The following ALK variants were observed in gnomAD, a reference collection of about 807,000 sequenced individuals.
ALK encodes the protein ALK tyrosine kinase receptor.
Under a neutral mutation model 163.1 loss-of-function variants are expected in ALK, and 74 were observed. The ratio of observed to expected loss-of-function variants is 0.45; its 90% CI spans 0.38 to 0.55. The LOEUF (loss-of-function observed/expected upper bound fraction) is 0.55. Among genes scored for constraint, ALK ranks in the 20% least tolerant of loss-of-function variants. The pLI, the probability that ALK is intolerant of heterozygous loss-of-function variation, is 0.00. For synonymous variants in ALK, 960 were observed against 843.2 expected, an observed-to-expected ratio of 1.14 and a Z score of -2.40; for missense variants, 2,063 against 2,105.3, an observed-to-expected ratio of 0.98 and a Z score of 0.39.
intron 4 of ALK, among the ~76,000 whole-genome samples, chr2:29,405,686 G>A (rs1046006830): frequency 6.6e-6 from 1 of 152,188 alleles, no homozygotes; most frequent in Admixed American, 6.5e-5. Flanking sequence ...ACCACACTGG[G>A]AGAGGCAGAG....
chr2:29,658,964 G>A (rs1485789079), intron 3 of ALK, among the ~76,000 whole-genome samples: 4 of 151,970 alleles, frequency 2.6e-5, no homozygotes, highest in Non-Finnish European at 5.9e-5. Flanking sequence ...TCAGCAAAAC[G>A]AAAAAATCAA....
chr2:29,687,983 C>T (rs952997518), intron 3 of ALK, among the ~76,000 whole-genome samples: 1 of 152,180 alleles, frequency 6.6e-6, no homozygotes, highest in East Asian at 1.9e-4. Flanking sequence ...TGGTTGCAGC[C>T]TGCATCTTAG....
At chr2:29,746,915 T>C (rs1372967154) in intron 1 of ALK, among the ~76,000 whole-genome samples, 1 of 152,214 alleles carries the variant, frequency 6.6e-6, no homozygotes, top group Non-Finnish European at 1.5e-5. Context: ...CATGAGGATG[T>C]TATGCTAAAA....
intron 1 of ALK, among the ~76,000 whole-genome samples, chr2:29,751,667 T>C (rs1225060170): frequency 6.6e-6 from 1 of 152,186 alleles, no homozygotes; most frequent in Admixed American, 6.5e-5. Flanking sequence ...CCTGCTTGTA[T>C]GAAGCACCAT....
At chr2:29,267,824 C>T (rs1444797096) in intron 11 of ALK, among the ~76,000 whole-genome samples, 2 of 152,208 alleles carry the variant, frequency 1.3e-5, no homozygotes, top group African/African-American at 4.8e-5. Context: ...AGCTGTTTTA[C>T]AGGCAGAAGC....
chr2:29,231,116 T>TC (rs1224279389), intron 15 of ALK, among the ~76,000 whole-genome samples: 1 of 152,116 alleles, frequency 6.6e-6, no homozygotes, highest in Non-Finnish European at 1.5e-5. Context: ...GGCAGGTGGG[T>TC]CACCTGAGGT....
intron 3 of ALK, chr2:29,681,272 G>C (rs1000538451): frequency 1.3e-5 from 2 of 152,222 alleles, no homozygotes; most frequent in Non-Finnish European, 2.9e-5. Context: ...CATTCTTTCT[G>C]CCTCAGCCAC....
intron 4 of ALK, among the ~76,000 whole-genome samples, chr2:29,437,754 C>T (rs1384154311): frequency 6.6e-6 from 1 of 152,148 alleles, no homozygotes. Flanking sequence ...TTTCTAACAC[C>T]CTCTTACTGA....
chr2:29,212,181 G>C (rs35551293), intron 24 of ALK, among the ~76,000 whole-genome samples: 42,882 of 152,116 alleles, frequency 0.28, 7,644 homozygotes, highest in Non-Finnish European at 0.4. Flanking sequence ...AGGTGACGCG[G>C]GTTGCTCTCA....
intron 3 of ALK, among the ~76,000 whole-genome samples, chr2:29,618,501 C>G (rs1675924407): frequency 6.6e-6 from 1 of 151,764 alleles, no homozygotes; most frequent in African/African-American, 2.4e-5. Flanking sequence ...GTCCCTGAAC[C>G]TACTTGCCCT....
Position 29,233,558 on chromosome 2 carries a change from A to C in ALK, c.2487+7T>G. 6.2e-7 allele frequency: 1 copy of C among 1,614,114 alleles called. No individual in the cohort carries two copies. Among genetic ancestry groups the C allele is most frequent in the Non-Finnish European group, 8.5e-7 (1 of 1,180,032 alleles). On this transcript the variant is annotated splice_region_variant and intron_variant, in intron 14 of 28. Transcript: ENST00000389048. ...ACCTGGTGGAAATCTGGCAGCACAC[A>C]CCATACCTTAAATACGTAGGTGGCT...
At chr2:29,916,241 A>G (rs80046938) in intron 1 of ALK, among the ~76,000 whole-genome samples, 283 of 152,332 alleles carry the variant, frequency 1.9e-3, no homozygotes, top group African/African-American at 6.6e-3. Context: ...CTGATATCCA[A>G]CCCGAAGTTT....
At chr2:29,475,875 A>G (rs1217447459) in intron 4 of ALK, among the ~76,000 whole-genome samples, 1 of 151,664 alleles carries the variant, frequency 6.6e-6, no homozygotes, top group East Asian at 1.9e-4. Flanking sequence ...AAACAGAGAG[A>G]GAGAGCATGT....
At chr2:29,826,297 T>C (rs1665197045) in intron 1 of ALK, among the ~76,000 whole-genome samples, 1 of 152,028 alleles carries the variant, frequency 6.6e-6, no homozygotes, top group African/African-American at 2.4e-5. Context: ...TTTTTGTGTG[T>C]GAAAAATCAA....
chr2:29,313,479 G>T (rs1666747307), intron 8 of ALK, among the ~76,000 whole-genome samples: 2 of 151,490 alleles, frequency 1.3e-5, no homozygotes, highest in Non-Finnish European at 3.0e-5. Flanking sequence ...AATGGGGTGG[G>T]ATTCTCTATC....
intron 1 of ALK, among the ~76,000 whole-genome samples, chr2:29,750,642 A>G (rs1247262882): frequency 1.8e-5 from 1 of 56,636 alleles, no homozygotes; most frequent in African/African-American, 1.2e-4. Flanking sequence ...GAAGGAAGGA[A>G]GGAAGGAAGG....
chr2:29,356,110 G>A (rs761829172), intron 5 of ALK, among the ~76,000 whole-genome samples: 2 of 152,180 alleles, frequency 1.3e-5, no homozygotes, highest in Non-Finnish European at 2.9e-5. Flanking sequence ...ATGGGAGCAT[G>A]GGTGGAATCT....
intron 4 of ALK, among the ~76,000 whole-genome samples, chr2:29,443,939 G>A (rs556224313): frequency 1.6e-4 from 25 of 152,268 alleles, no homozygotes; most frequent in African/African-American, 5.3e-4. Context: ...GCGTTCTCCA[G>A]GTTGTAATTT....
intron 1 of ALK, among the ~76,000 whole-genome samples, chr2:29,915,056 G>A (rs2148439854): frequency 6.6e-6 from 1 of 152,234 alleles, no homozygotes; most frequent in Non-Finnish European, 1.5e-5. Flanking sequence ...ACCATAACAG[G>A]ACACTAATAA....
Sources: allele counts gnomAD v4.1 joint callset (sites outside exome capture counted in the v4.1 genomes callset), GRCh38; gene constraint gnomAD v4.1.1; transcripts MANE v1.5; gene names NCBI Gene and HGNC (gene_info 2026-07-23, HGNC 2026-07-21).